Variants in DLGAP2 observed in about 807,000 individuals in gnomAD.
DLGAP2 encodes the protein DLG associated protein 2, also known as disks large-associated protein 2.
A neutral mutation model predicts 100.3 loss-of-function variants in DLGAP2; 26 were observed. The observed-to-expected ratio is 0.26, with a 90% CI of 0.19 to 0.36. DLGAP2 has a LOEUF of 0.36. Ranked by LOEUF, DLGAP2 falls within the 10% of genes least tolerant of loss-of-function variation. The pLI, the probability that DLGAP2 is intolerant of heterozygous loss-of-function variation, is 1.00. For synonymous variants in DLGAP2, 886 were observed against 630.1 expected, an observed-to-expected ratio of 1.41 and a Z score of -6.08; for missense variants, 1,858 against 1,453.2, an observed-to-expected ratio of 1.28 and a Z score of -4.53.
In DLGAP2 at chr8:1,266,665, G is replaced by A. The variant is rs575448756; in HGVS notation, c.106+7782G>A. On this transcript the variant is annotated intron_variant, in intron 3 of 14. Coordinates refer to ENST00000637795, the MANE Select transcript of DLGAP2 (RefSeq NM_001346810.2). ...TCACCACGCACTGACGTACGCCTCC[G>A]TGGGTGCACCCGGGACGTTGAAGGC... Among the ~76,000 whole-genome samples, 20 of 152,230 alleles carry A rather than the reference G, an allele frequency of 1.3e-4. No individual in the cohort carries two copies. In the South Asian group the frequency reaches 3.5e-3, roughly 27 times the overall value.
chr8:1,453,459 A>G (rs1385202289), intron 3 of DLGAP2, among the ~76,000 whole-genome samples: 1 of 152,202 alleles, frequency 6.6e-6, no homozygotes, highest in Non-Finnish European at 1.5e-5. Flanking sequence ...TACCTAACAG[A>G]GAGAACGGAG....
At chr8:1,002,164 T>G (rs1800978645) in intron 2 of DLGAP2, 1 of 152,154 alleles carries the variant, frequency 6.6e-6, no homozygotes, top group Non-Finnish European at 1.5e-5. Flanking sequence ...AACTCACAGC[T>G]AAGGAGGGGG....
intron 6 of DLGAP2, among the ~76,000 whole-genome samples, chr8:1,577,935 G>T (rs1291006721): frequency 6.6e-6 from 1 of 152,222 alleles, no homozygotes; most frequent in South Asian, 2.1e-4. Flanking sequence ...AGCTGCCAGA[G>T]GCAAGGTGTG....
intron 3 of DLGAP2, among the ~76,000 whole-genome samples, chr8:1,269,402 G>A (rs896433101): frequency 2.0e-5 from 3 of 152,162 alleles, no homozygotes; most frequent in Non-Finnish European, 4.4e-5. Context: ...CAGCAGTTGC[G>A]GTGAGCCTAG....
intron 3 of DLGAP2, among the ~76,000 whole-genome samples, chr8:1,471,553 CCT>C (rs1430724372): frequency 6.7e-6 from 1 of 148,834 alleles, no homozygotes; most frequent in Non-Finnish European, 1.5e-5. Context: ...CTCCTAACCT[CCT>C]CTGCGACGCC....
At chr8:1,608,727 G>A (rs1275243144) in intron 6 of DLGAP2, among the ~76,000 whole-genome samples, 5 of 146,366 alleles carry the variant, frequency 3.4e-5, no homozygotes, top group Admixed American at 6.9e-5. Flanking sequence ...CAAGGCTCGA[G>A]AACTACGTGA....
chr8:1,303,632 C>A (rs1203843253), intron 3 of DLGAP2, among the ~76,000 whole-genome samples: 1 of 152,124 alleles, frequency 6.6e-6, no homozygotes, highest in African/African-American at 2.4e-5. Context: ...TCCATCCATG[C>A]CTCTGAACAC....
chr8:977,804 GGGTT>G (rs1563124653), intron 2 of DLGAP2, among the ~76,000 whole-genome samples: 4 of 97,376 alleles, frequency 4.1e-5, no homozygotes, highest in African/African-American at 1.4e-4. Flanking sequence ...GTGAGGTGCT[GGGTT>G]CTGGTCTTTG....
chr8:1,410,276 C>T (rs867539524), intron 3 of DLGAP2, among the ~76,000 whole-genome samples: 2 of 152,146 alleles, frequency 1.3e-5, no homozygotes, highest in African/African-American at 2.4e-5. Flanking sequence ...AATGAGGATA[C>T]CAGTAATAGT....
chr8:1,596,725 GT>G (rs925785056), intron 6 of DLGAP2, among the ~76,000 whole-genome samples: 1 of 151,496 alleles, frequency 6.6e-6, no homozygotes, highest in Non-Finnish European at 1.5e-5. Flanking sequence ...GGGTTGTTAG[GT>G]TTTTTTTTCT....
At chr8:1,180,597 G>A (rs982545434) in intron 2 of DLGAP2, among the ~76,000 whole-genome samples, 12 of 144,878 alleles carry the variant, frequency 8.3e-5, no homozygotes. Context: ...ACTGTCGAGT[G>A]TGTGTGGGTG....
chr8:1,462,754 C>G (rs1236246495), intron 3 of DLGAP2, among the ~76,000 whole-genome samples: 1 of 152,208 alleles, frequency 6.6e-6, no homozygotes, highest in Non-Finnish European at 1.5e-5. Context: ...CGTCCCCCCG[C>G]AGAGGCCAGG....
At chr8:989,200 A>G (rs1057243687) in intron 2 of DLGAP2, among the ~76,000 whole-genome samples, 2 of 152,068 alleles carry the variant, frequency 1.3e-5, no homozygotes, top group Admixed American at 6.6e-5. Context: ...GCTCTCCCGC[A>G]TGCCACATCA....
chr8:1,436,621 A>G (rs1164103697), intron 3 of DLGAP2, among the ~76,000 whole-genome samples: 1 of 152,218 alleles, frequency 6.6e-6, no homozygotes, highest in African/African-American at 2.4e-5. Flanking sequence ...TTGAGGAATG[A>G]AAAGTATTTT....
chr8:1,342,358 C>A (rs181836912), intron 3 of DLGAP2, among the ~76,000 whole-genome samples: 1 of 152,090 alleles, frequency 6.6e-6, no homozygotes, highest in African/African-American at 2.4e-5. Flanking sequence ...ACAGATGATG[C>A]GTTTAATTTG....
intron 2 of DLGAP2, among the ~76,000 whole-genome samples, chr8:1,161,340 C>T (rs1394446220): frequency 2.6e-5 from 4 of 152,066 alleles, no homozygotes; most frequent in African/African-American, 7.2e-5. Flanking sequence ...AGTGGAAAGG[C>T]GGGCTTAACG....
intron 2 of DLGAP2, among the ~76,000 whole-genome samples, chr8:1,168,878 G>T (rs36110843): frequency 0.38 from 24,572 of 63,842 alleles, 5,736 homozygotes; most frequent in African/African-American, 0.53. Context: ...AGAAGCTCTT[G>T]AGTTTAATTA....
chr8:1,304,073 G>C (rs1365628430), intron 3 of DLGAP2, among the ~76,000 whole-genome samples: 3 of 152,224 alleles, frequency 2.0e-5, no homozygotes, highest in African/African-American at 7.2e-5. Context: ...CAGCAGAATT[G>C]GGGGAGAGGG....
chr8:1,570,848 CTGTGGGGATGTCTGATGAGATGG>C (rs1408137680), intron 6 of DLGAP2, among the ~76,000 whole-genome samples: 2 of 117,506 alleles, frequency 1.7e-5, no homozygotes, highest in African/African-American at 7.3e-5. Flanking sequence ...AGAGGGTGAA[CTGTGGGGATGTCTGATGAGATGG>C]AGAAGAGAGA....
Sources: allele counts gnomAD v4.1 joint callset (sites outside exome capture counted in the v4.1 genomes callset), GRCh38; gene constraint gnomAD v4.1.1; transcripts MANE v1.5; gene names NCBI Gene and HGNC (gene_info 2026-07-23, HGNC 2026-07-21).